Variants in TC2N observed in about 807,000 individuals in gnomAD.
The protein encoded by TC2N is tandem C2 domains, nuclear.
A neutral mutation model predicts 61.9 loss-of-function variants in TC2N; 51 were observed. That is an observed-to-expected ratio of 0.82 (90% CI 0.66 to 1.04). TC2N has a LOEUF of 1.04. TC2N is among the 50% of genes least tolerant of loss of function. The probability of loss-of-function intolerance (pLI) is 0.00; values close to 1 mark genes in which losing one functional copy is unlikely to be tolerated. For missense variants in TC2N, 556 were observed against 566.7 expected, an observed-to-expected ratio of 0.98 and a Z score of 0.19; for synonymous variants, 204 against 192.6, an observed-to-expected ratio of 1.06 and a Z score of -0.49.
At chr14:91,865,252 T>C (rs1888672661) in intron 1 of TC2N, among the ~76,000 whole-genome samples, 3 of 152,142 alleles carry the variant, frequency 2.0e-5, no homozygotes, top group African/African-American at 7.2e-5. Flanking sequence ...CTGGCTAAGA[T>C]TCATTATTAA....
intron 1 of TC2N, among the ~76,000 whole-genome samples, chr14:91,856,352 T>C (rs1331345836): frequency 2.6e-5 from 4 of 152,018 alleles, no homozygotes; most frequent in East Asian, 3.9e-4. Context: ...GGCATGGTGG[T>C]GCACACCTGT....
intron 4 of TC2N, 77 bp from the exon 5 acceptor site, chr14:91,800,449 T>G: frequency 1.5e-5 from 11 of 710,174 alleles, no homozygotes; most frequent in South Asian, 2.4e-5. Context: ...ACTAAATCTC[T>G]GTAGCAATAC....
At chr14:91,860,071 G>T (rs2498854) in intron 1 of TC2N, among the ~76,000 whole-genome samples, 19,378 of 152,150 alleles carry the variant, frequency 0.13, 1,388 homozygotes, top group East Asian at 0.19. Context: ...TCTTTAGAAA[G>T]ATCGCTTTAG....
intron 1 of TC2N, among the ~76,000 whole-genome samples, chr14:91,858,550 G>GAATGCT (rs931679857): frequency 6.6e-6 from 1 of 152,164 alleles, no homozygotes; most frequent in Non-Finnish European, 1.5e-5. Context: ...TGGGGTAAAT[G>GAATGCT]AATGCTAACC....
chr14:91,810,260 A>T (rs148189245), intron 3 of TC2N, among the ~76,000 whole-genome samples: 1 of 152,100 alleles, frequency 6.6e-6, no homozygotes, highest in East Asian at 1.9e-4. Context: ...ATCTGCCCCC[A>T]TGATCCAAAC....
At chr14:91,863,755 G>A (rs914025793) in intron 1 of TC2N, among the ~76,000 whole-genome samples, 2 of 149,770 alleles carry the variant, frequency 1.3e-5, no homozygotes, top group Admixed American at 1.3e-4. Flanking sequence ...GGAGGCCAAG[G>A]TGAAAGGATC....
At chr14:91,799,085 T>C (rs779659311) in intron 5 of TC2N, 21 bp from the exon 6 acceptor site, 8 of 1,504,990 alleles carry the variant, frequency 5.3e-6, no homozygotes, top group Admixed American at 4.2e-5. Context: ...AATTATTCTT[T>C]AGTCAGAAAT....
chr14:91,853,418 T>C lies in TC2N; in HGVS notation c.-57+13844A>G, dbSNP rs1888413918. On this transcript the variant is annotated intron_variant, in intron 1 of 11. Coordinates refer to ENST00000435962, the MANE Select transcript of TC2N (RefSeq NM_001128596.3). Reference sequence around the variant, plus strand: ...ATTGGCACAGTCAGTCCCCAGTAGATGTTCACTGCGATAATGGCATTCTGA... The same window carrying C: ...ATTGGCACAGTCAGTCCCCAGTAGACGTTCACTGCGATAATGGCATTCTGA... Among the ~76,000 whole-genome samples, 3 of 152,150 alleles carry C rather than the reference T, an allele frequency of 2.0e-5. No individual in the cohort carries two copies. The South Asian group carries it at 6.2e-4, about 31-fold the overall frequency.
At chr14:91,797,752 A>G in intron 8 of TC2N, 33 bp downstream of exon 8, 1 of 1,319,126 alleles carries the variant, frequency 7.6e-7, no homozygotes, top group Non-Finnish European at 1.1e-6. Flanking sequence ...AAAAAAAAAC[A>G]GAAAAGAAAT....
Position 91,783,047 on chromosome 14 carries a change from A to G in TC2N, c.*53T>C, listed in dbSNP as rs761819025. On this transcript the variant is annotated 3_prime_UTR_variant, in exon 12 of 12. Transcript: ENST00000435962. The stretch of plus-strand genomic sequence containing the variant: ...TTCTCATTGGTAGCAAATTGAAATC[A>G]TAAGTCTTCTAAAAGAATGTCAAGT... The G allele has an allele frequency of 1.1e-5, 13 of 1,188,692 alleles. No individual in the cohort carries two copies. The East Asian group carries it at 2.1e-4, about 20-fold the overall frequency. 73.6% of individuals were successfully genotyped at this position (1,188,692 alleles called of 1,614,324 possible).
At chr14:91,839,309 C>A (rs1002867763) in intron 1 of TC2N, among the ~76,000 whole-genome samples, 1 of 152,170 alleles carries the variant, frequency 6.6e-6, no homozygotes, top group South Asian at 2.1e-4. Context: ...TATCAACTAG[C>A]AAACTCATGT....
chr14:91,838,146 C>CTT (rs11406325), intron 1 of TC2N, among the ~76,000 whole-genome samples: 2,274 of 131,798 alleles, frequency 0.017, 85 homozygotes, highest in African/African-American at 0.061. Context: ...TCATTTGTTC[C>CTT]TTTTTTTTTT....
chr14:91,854,146 G>A (rs1888432264), intron 1 of TC2N, among the ~76,000 whole-genome samples: 1 of 151,992 alleles, frequency 6.6e-6, no homozygotes, highest in Non-Finnish European at 1.5e-5. Flanking sequence ...CAGGCTAAAG[G>A]CACAGCTTCT....
chr14:91,833,793 G>A (rs909582530), intron 1 of TC2N, among the ~76,000 whole-genome samples: 1 of 152,152 alleles, frequency 6.6e-6, no homozygotes, highest in Non-Finnish European at 1.5e-5. Flanking sequence ...ACTTCCACCA[G>A]CAGATTATGA....
intron 1 of TC2N, among the ~76,000 whole-genome samples, chr14:91,856,574 T>C (rs938177588): frequency 1.3e-5 from 2 of 151,900 alleles, no homozygotes; most frequent in Non-Finnish European, 2.9e-5. Context: ...TCATGTGGTA[T>C]CACTAACAAT....
intron 1 of TC2N, among the ~76,000 whole-genome samples, chr14:91,831,158 T>C (rs1177014893): frequency 1.3e-5 from 2 of 152,186 alleles, no homozygotes; most frequent in Admixed American, 1.3e-4. Context: ...TTTTGAATTG[T>C]TTTTTTAAAT....
intron 1 of TC2N, among the ~76,000 whole-genome samples, chr14:91,842,890 C>T (rs140378282): frequency 0.013 from 1,980 of 152,288 alleles, 18 homozygotes; most frequent in Non-Finnish European, 0.018. Context: ...TCATCATGCA[C>T]TGTATCCATG....
intron 1 of TC2N, among the ~76,000 whole-genome samples, chr14:91,841,853 C>G (rs1319533096): frequency 6.6e-6 from 1 of 152,136 alleles, no homozygotes; most frequent in Non-Finnish European, 1.5e-5. Context: ...GAGATTAGTC[C>G]CATTATCAGT....
chr14:91,808,965 T>C (rs1019159977), intron 3 of TC2N, among the ~76,000 whole-genome samples: 5 of 152,164 alleles, frequency 3.3e-5, no homozygotes, highest in Non-Finnish European at 1.5e-5. Context: ...AATCCCAATG[T>C]TGTTAATAAG....
Sources: gnomAD v4.1 joint callset for allele counts (sites outside exome capture counted in the v4.1 genomes callset) on GRCh38, gnomAD v4.1.1 for gene constraint, MANE v1.5 for transcripts, NCBI Gene and HGNC (gene_info 2026-07-23, HGNC 2026-07-21) for gene names.